The following DOK6 variants were observed in gnomAD, a reference collection of about 807,000 sequenced individuals.
DOK6 encodes downstream of tyrosine kinase 6.
Under a neutral mutation model 44.0 loss-of-function variants are expected in DOK6, and 22 were observed. The ratio of observed to expected loss-of-function variants is 0.50; its 90% CI spans 0.36 to 0.71. The LOEUF is 0.71. Ranked by LOEUF, DOK6 falls within the 30% of genes least tolerant of loss-of-function variation. DOK6 has a pLI of 0.00. For missense variants in DOK6, 340 were observed against 416.4 expected, an observed-to-expected ratio of 0.82 and a Z score of 1.60; for synonymous variants, 166 against 145.5, an observed-to-expected ratio of 1.14 and a Z score of -1.01.
intron 2 of DOK6, among the ~76,000 whole-genome samples, chr18:69,597,769 G>C (rs1983779652): frequency 6.7e-6 from 1 of 149,542 alleles, no homozygotes. Flanking sequence ...ACCTCAGCTG[G>C]AAGCGTGCAT....
At chr18:69,518,997 T>C (rs1981615328) in intron 1 of DOK6, among the ~76,000 whole-genome samples, 1 of 152,068 alleles carries the variant, frequency 6.6e-6, no homozygotes, top group Non-Finnish European at 1.5e-5. Context: ...AAAATCTTTC[T>C]TACGCTCTGT....
At chr18:69,754,406 C>A (rs1979289005) in intron 6 of DOK6, among the ~76,000 whole-genome samples, 1 of 151,062 alleles carries the variant, frequency 6.6e-6, no homozygotes, top group Non-Finnish European at 1.5e-5. Flanking sequence ...GTCTTAGTCA[C>A]TGCACAGATC....
chr18:69,675,911 G>T (rs1985910999), intron 3 of DOK6, among the ~76,000 whole-genome samples: 1 of 152,074 alleles, frequency 6.6e-6, no homozygotes, highest in Non-Finnish European at 1.5e-5. Flanking sequence ...CTTCCTAAAA[G>T]AAAAAAGTTT....
intron 7 of DOK6, among the ~76,000 whole-genome samples, chr18:69,816,977 A>T (rs1365989978): frequency 6.6e-6 from 1 of 152,228 alleles, no homozygotes; most frequent in Non-Finnish European, 1.5e-5. Context: ...TGTGAAGAGG[A>T]CAGCAGCATT....
At chr18:69,541,253 T>C (rs1328662411) in intron 1 of DOK6, among the ~76,000 whole-genome samples, 2 of 151,442 alleles carry the variant, frequency 1.3e-5, no homozygotes, top group Non-Finnish European at 3.0e-5. Flanking sequence ...TGCAGACTAC[T>C]GTAATTTGCT....
At chr18:69,508,873 G>T (rs1216964310) in intron 1 of DOK6, among the ~76,000 whole-genome samples, 1 of 152,162 alleles carries the variant, frequency 6.6e-6, no homozygotes, top group Non-Finnish European at 1.5e-5. Context: ...CTGATGGAAA[G>T]CTATAGGTGC....
intron 1 of DOK6, among the ~76,000 whole-genome samples, chr18:69,509,569 T>A (rs150953860): frequency 7.8e-6 from 1 of 128,522 alleles, no homozygotes; most frequent in Admixed American, 1.0e-4. Context: ...ACCCGGGAGG[T>A]GGAGCTTGCA....
intron 1 of DOK6, among the ~76,000 whole-genome samples, chr18:69,534,261 T>G (rs78148352): frequency 0.03 from 4,570 of 152,232 alleles, 83 homozygotes; most frequent in Middle Eastern, 0.048. Context: ...TTTCTGTAAT[T>G]TAACAAAAAT....
intron 1 of DOK6, among the ~76,000 whole-genome samples, chr18:69,515,817 TAC>T (rs1293262457): frequency 6.6e-6 from 1 of 152,240 alleles, no homozygotes; most frequent in African/African-American, 2.4e-5. Flanking sequence ...TACATACATG[TAC>T]ACACAGTGTA....
At chr18:69,689,122 C>T (rs1422808361) in intron 4 of DOK6, among the ~76,000 whole-genome samples, 2 of 152,136 alleles carry the variant, frequency 1.3e-5, no homozygotes, top group African/African-American at 4.8e-5. Flanking sequence ...TATCAGTCCA[C>T]AAGAACCTTG....
chr18:69,701,030 G>T (rs1201541447), intron 5 of DOK6, among the ~76,000 whole-genome samples: 1 of 152,152 alleles, frequency 6.6e-6, no homozygotes, highest in African/African-American at 2.4e-5. Context: ...TAATACAATT[G>T]GATATGTCAA....
chr18:69,550,210 A>ATT (rs879855902), intron 1 of DOK6, among the ~76,000 whole-genome samples: 2,759 of 148,960 alleles, frequency 0.019, 54 homozygotes, highest in Middle Eastern at 0.035. Flanking sequence ...TAAGAAGCAA[A>ATT]GCCATCATTT....
At chr18:69,835,570 G>C (rs867619643) in intron 7 of DOK6, among the ~76,000 whole-genome samples, 5 of 151,994 alleles carry the variant, frequency 3.3e-5, no homozygotes, top group African/African-American at 1.2e-4. Flanking sequence ...TACCCAAGTC[G>C]TTCCTTCCAT....
chr18:69,716,692 CAAAAAAAAA>C lies in DOK6; in HGVS notation c.599+18112_599+18120del, dbSNP rs11351701. On this transcript the variant is annotated intron_variant, in intron 5 of 7. Transcript: ENST00000382713. ...GATAACAGATTCTCTGCAGAATTGA[CAAAAAAAAA>C]AAAAAAAAAAAAGTCTTCTGGTTAC... is the stretch of plus-strand genomic sequence containing the variant. Among the ~76,000 whole-genome samples, 14 of 104,750 alleles carry C rather than the reference CAAAAAAAAA, an allele frequency of 1.3e-4. No homozygotes were observed. In the East Asian group the frequency reaches 4.0e-3, roughly 30 times the overall value. 68.7% of individuals were successfully genotyped at this position (104,750 alleles called of 152,430 possible). A position where few individuals can be genotyped will look rare whatever the true frequency, so the allele number is the denominator to read the frequency against.
intron 3 of DOK6, among the ~76,000 whole-genome samples, chr18:69,669,934 G>A (rs1300237010): frequency 1.3e-5 from 2 of 152,036 alleles, no homozygotes; most frequent in Admixed American, 1.3e-4. Flanking sequence ...TTGTTTTGGT[G>A]TTTTATTACT....
chr18:69,841,345 A>C lies in DOK6; in HGVS notation c.958A>C (p.Ser320Arg). ...EAQQPLSRSS[S>R]YGFSYSSSLI... ...CCAGCAGCCGTTGTCGCGGTCCAGC[A>C]GCTATGGATTCAGCTACAGCTCCAG... Residue 320 changes from serine (S) to arginine (R), a missense_variant, in exon 8 of 8, where the codon AGC becomes CGC. Physicochemically the swap from Ser to Arg is moderately radical, Grantham distance 110. Around this residue, in one of 3 missense-constraint regions of DOK6, gnomAD observed 112 missense variants for 109.3 expected, o/e 1.02. Transcript: ENST00000382713. The C allele has an allele frequency of 6.2e-7, 1 of 1,614,222 alleles. No homozygotes were observed. The highest frequency in any genetic ancestry group is 1.6e-4 in the Middle Eastern group (1 of 6,062).
intron 2 of DOK6, among the ~76,000 whole-genome samples, chr18:69,579,995 A>G (rs1983329416): frequency 6.6e-6 from 1 of 152,198 alleles, no homozygotes; most frequent in Non-Finnish European, 1.5e-5. Flanking sequence ...TCTCACCATT[A>G]TCCCAAATAA....
chr18:69,415,783 A>G (rs1978329149), intron 1 of DOK6, among the ~76,000 whole-genome samples: 8 of 152,106 alleles, frequency 5.3e-5, no homozygotes, highest in Admixed American at 5.3e-4. Flanking sequence ...GAGGGTCACA[A>G]AAGAGAGGTC....
At chr18:69,633,155 A>G (rs1430548747) in intron 3 of DOK6, among the ~76,000 whole-genome samples, 2 of 152,198 alleles carry the variant, frequency 1.3e-5, no homozygotes, top group African/African-American at 4.8e-5. Flanking sequence ...AGTACATGTA[A>G]TGTCCTTGTA....
Sources: allele counts gnomAD v4.1 joint callset (sites outside exome capture counted in the v4.1 genomes callset), GRCh38; gene constraint gnomAD v4.1.1; regional missense constraint gnomAD v4.1.1; transcripts MANE v1.5; gene names NCBI Gene and HGNC (gene_info 2026-07-23, HGNC 2026-07-21).